ADGRF3: variants seen among roughly 807,000 people sequenced by gnomAD.
ADGRF3 encodes the protein G protein-coupled receptor 113.
Under a neutral mutation model 93.2 loss-of-function variants are expected in ADGRF3, and 85 were observed. The observed-to-expected ratio is 0.91, with a 90% CI of 0.77 to 1.09. ADGRF3 has a LOEUF of 1.09. Ranked by LOEUF, ADGRF3 falls within the 50% of genes least tolerant of loss-of-function variation. The pLI is 0.00. For missense variants in ADGRF3, 1,125 were observed against 1,246.2 expected (o/e 0.90, Z 1.46); for synonymous variants, 534 against 532.5 (o/e 1.00, Z -0.04).
In ADGRF3 at chr2:26,310,848, G is replaced by A. The variant is rs151188691; in HGVS notation, c.2676C>T (p.Pro892=). ...GCAGAGCTTGGCGCTTCTCTGCTGG[G>A]GGTCCCTCTGACAGCGAAGGTCTCA... ...KLLRPSLSEG[P]PAEKRQALLG... is the part of the protein sequence containing the mutation. The change falls in exon 10 of 14, where the codon CCC becomes CCT. Residue 892 remains proline, a synonymous_variant. Transcript: ENST00000651242. The A allele has an allele frequency of 9.5e-5, 153 of 1,613,116 alleles. 1 individual carries two copies. The African/African-American group carries it at 1.7e-3, about 18-fold the overall frequency.
chr2:26,318,835 A>G, intron 1 of ADGRF3: 15 of 1,443,606 alleles, frequency 1.0e-5, no homozygotes, highest in Non-Finnish European at 1.4e-5. Flanking sequence ...CTTTCCTTAC[A>G]CATTACTTCC....
chr2:26,317,241 A>G (rs945145354), intron 2 of ADGRF3, among the ~76,000 whole-genome samples, 186 bp from the exon 3 acceptor site: 3 of 152,210 alleles, frequency 2.0e-5, no homozygotes, highest in Non-Finnish European at 4.4e-5. Flanking sequence ...CTGTGCCTTC[A>G]GATACACGGC....
At chr2:26,328,376 A>C (rs1026558763) in intron 1 of ADGRF3, among the ~76,000 whole-genome samples, 9 of 149,984 alleles carry the variant, frequency 6.0e-5, no homozygotes, top group Admixed American at 2.0e-4. Flanking sequence ...ATCAGCCACT[A>C]TTTCAAATTG....
chr2:26,310,756 GC>G lies in ADGRF3; in HGVS notation c.2767del (p.Ala923ProfsTer4), dbSNP rs1674007884. 6.2e-7 allele frequency: 1 copy of G among 1,613,236 alleles called. No homozygotes were observed. Among genetic ancestry groups the G allele is most frequent in the Non-Finnish European group, 8.5e-7 (1 of 1,179,600 alleles). On this transcript the variant is annotated frameshift_variant, in exon 10 of 14. Transcript: ENST00000651242. LOFTEE classifies it high-confidence loss of function. ...IFGLTWGLGLATLLEEVSTVP... is the reference protein window; with the variant it reads ...IFGLTWGLGLXTLLEEVSTVP... ...CGTGGAGACTTCCTCTAACAGAGTG[GC>G]CAGGCCCAGCCCCCAGGTGAGGCCA...
intron 1 of ADGRF3, among the ~76,000 whole-genome samples, chr2:26,345,118 G>A (rs1450580463): frequency 6.6e-6 from 1 of 152,134 alleles, no homozygotes; most frequent in Non-Finnish European, 1.5e-5. Flanking sequence ...TCGTAACTAA[G>A]TGACTCTGGG....
intron 1 of ADGRF3, chr2:26,318,104 G>A (rs1674862366): frequency 5.2e-6 from 8 of 1,547,626 alleles, no homozygotes; most frequent in African/African-American, 1.4e-5. Flanking sequence ...GGGGGATGGG[G>A]CAGGCAGGGA....
intron 1 of ADGRF3, among the ~76,000 whole-genome samples, chr2:26,323,533 C>T (rs1001963289): frequency 2.6e-5 from 4 of 152,030 alleles, no homozygotes; most frequent in African/African-American, 9.7e-5. Context: ...AAGTCCTGGG[C>T]CAAAGTGATT....
intron 1 of ADGRF3, among the ~76,000 whole-genome samples, chr2:26,330,275 A>G (rs186131069): frequency 8.9e-4 from 135 of 152,288 alleles, no homozygotes; most frequent in South Asian, 1.7e-3. Flanking sequence ...TTTGTGGTTT[A>G]GAGTCAGATC....
In ADGRF3 at chr2:26,314,476, C is replaced by G; in HGVS notation, c.866G>C (p.Cys289Ser). The G allele has an allele frequency of 6.2e-7, 1 of 1,614,032 alleles. No individual in the cohort carries two copies. Among genetic ancestry groups the G allele is most frequent in the African/African-American group, 1.3e-5 (1 of 75,050 alleles). Residue 289 changes from cysteine to serine, a missense_variant, in exon 6 of 14, where the codon TGC (cysteine) becomes TCC (serine). By Grantham distance (112) the Cys-to-Ser change is moderately radical. Coordinates refer to ENST00000651242, the MANE Select transcript of ADGRF3 (RefSeq NM_001321971.2). ...GGCCAGGTTTGTGCTGGGGATGCAG[C>G]AGCTCAGCTGGAAGCCAGGGGAGGT... ...CATSPGFQLS[C>S]CIPSTNLAYT...
chr2:26,324,309 C>T (rs1278981241), intron 1 of ADGRF3, among the ~76,000 whole-genome samples: 1 of 152,120 alleles, frequency 6.6e-6, no homozygotes, highest in Non-Finnish European at 1.5e-5. Flanking sequence ...ATATTAGTTA[C>T]CTCTATGAAC....
At chr2:26,344,377 CA>C (rs1377383728) in intron 1 of ADGRF3, among the ~76,000 whole-genome samples, 4 of 152,172 alleles carry the variant, frequency 2.6e-5, no homozygotes, top group Non-Finnish European at 5.9e-5. Context: ...CTCCTGATCG[CA>C]AGTAATCCCT....
intron 1 of ADGRF3, among the ~76,000 whole-genome samples, chr2:26,322,261 C>T (rs1181643791): frequency 2.2e-5 from 3 of 133,890 alleles, no homozygotes; most frequent in Non-Finnish European, 4.6e-5. Context: ...CCAGCCTGGG[C>T]GACAGAGCAA....
chr2:26,334,082 T>C (rs1449313874), intron 1 of ADGRF3, among the ~76,000 whole-genome samples: 1 of 151,772 alleles, frequency 6.6e-6, no homozygotes, highest in African/African-American at 2.4e-5. Context: ...CGCCTCAGCC[T>C]CCTAAAGTGC....
chr2:26,322,462 C>G (rs1049397333), intron 1 of ADGRF3, among the ~76,000 whole-genome samples: 3 of 152,088 alleles, frequency 2.0e-5, no homozygotes, highest in African/African-American at 7.2e-5. Flanking sequence ...GCAACATATT[C>G]CTAGTTCAAA....
At chr2:26,320,938 C>G (rs570573363) in intron 1 of ADGRF3, among the ~76,000 whole-genome samples, 2 of 152,190 alleles carry the variant, frequency 1.3e-5, no homozygotes, top group East Asian at 3.9e-4. Flanking sequence ...ACTTTTATAT[C>G]CCTAGAATAT....
chr2:26,337,916 G>A (rs913210872), intron 1 of ADGRF3, among the ~76,000 whole-genome samples: 24 of 152,056 alleles, frequency 1.6e-4, no homozygotes, highest in African/African-American at 5.3e-4. Context: ...CCAGCTACTC[G>A]GGAGGCTGAG....
At chr2:26,329,234 C>T (rs1413374415) in intron 1 of ADGRF3, among the ~76,000 whole-genome samples, 1 of 152,130 alleles carries the variant, frequency 6.6e-6, no homozygotes, top group East Asian at 1.9e-4. Context: ...CTCGTGGGCT[C>T]AAGTGAGCCT....
chr2:26,319,565 C>CCCTTCCTT (rs1221160490), intron 1 of ADGRF3, among the ~76,000 whole-genome samples: 99 of 48,168 alleles, frequency 2.1e-3, no homozygotes, highest in South Asian at 0.015. Flanking sequence ...CTCCCTCCCT[C>CCCTTCCTT]CCTTCCTTCC....
At chr2:26,321,111 G>A (rs1195861168) in intron 1 of ADGRF3, among the ~76,000 whole-genome samples, 2 of 151,914 alleles carry the variant, frequency 1.3e-5, no homozygotes, top group Admixed American at 1.3e-4. Context: ...AAAGTACGAA[G>A]TACCTATGGT....
Sources: allele counts gnomAD v4.1 joint callset (sites outside exome capture counted in the v4.1 genomes callset), GRCh38; gene constraint gnomAD v4.1.1; transcripts MANE v1.5; gene names NCBI Gene and HGNC (gene_info 2026-07-23, HGNC 2026-07-21).